Variants in CTNNA3 observed in about 807,000 individuals in gnomAD.
The protein encoded by CTNNA3 is catenin alpha 3, also known as catenin alpha-3.
Under a neutral mutation model 95.7 loss-of-function variants are expected in CTNNA3, and 76 were observed. The ratio of observed to expected loss-of-function variants is 0.79; its 90% CI spans 0.66 to 0.96. The LOEUF (loss-of-function observed/expected upper bound fraction) is 0.96. Among genes scored for constraint, CTNNA3 ranks in the 40% least tolerant of loss-of-function variants. CTNNA3 has a pLI of 0.00. For synonymous variants in CTNNA3, 431 were observed against 374.4 expected, an observed-to-expected ratio of 1.15 and a Z score of -1.74; for missense variants, 1,191 against 1,089.8, an observed-to-expected ratio of 1.09 and a Z score of -1.31.
chr10:67,514,756 A>C (rs1446090251), intron 5 of CTNNA3, among the ~76,000 whole-genome samples: 4 of 147,526 alleles, frequency 2.7e-5, no homozygotes, highest in Non-Finnish European at 5.9e-5. Flanking sequence ...AATTCCTATC[A>C]GCATTGTAAA....
intron 13 of CTNNA3, among the ~76,000 whole-genome samples, chr10:66,197,944 T>G (rs768475539): frequency 6.6e-6 from 1 of 152,058 alleles, no homozygotes; most frequent in Non-Finnish European, 1.5e-5. Context: ...GGAAAATAAC[T>G]CTAAGGAGGC....
rs998285702 is a variant in CTNNA3, at chr10:66,668,684, C to T, written c.1282-46900G>A. On this transcript the variant is annotated intron_variant, in intron 9 of 17. Transcript: ENST00000433211. ...AAAATTAACCGGGTGTGGTGGTGCA[C>T]GTCTGTAATCCCAGCTATTTGGGAG... 7.2e-5 allele frequency among the ~76,000 whole-genome samples: 11 copies of T among 151,812 alleles called. No homozygotes were observed. In the East Asian group the frequency reaches 7.7e-4, roughly 11 times the overall value.
intron 5 of CTNNA3, among the ~76,000 whole-genome samples, chr10:67,429,282 T>C (rs1846028508): frequency 6.6e-6 from 1 of 152,090 alleles, no homozygotes; most frequent in African/African-American, 2.4e-5. Context: ...AATGATTTAG[T>C]TTGCATCCAT....
intron 7 of CTNNA3, among the ~76,000 whole-genome samples, chr10:66,776,272 T>C (rs1212118651): frequency 1.3e-5 from 2 of 152,276 alleles, no homozygotes; most frequent in Admixed American, 6.5e-5. Flanking sequence ...ATAAAAGAGA[T>C]TGGAAAAATC....
At chr10:67,533,741 T>C (rs1369276121) in intron 4 of CTNNA3, among the ~76,000 whole-genome samples, 1 of 152,164 alleles carries the variant, frequency 6.6e-6, no homozygotes, top group Non-Finnish European at 1.5e-5. Context: ...TCCTTGTAAA[T>C]GTTCTATTGT....
chr10:67,190,445 T>C (rs913940479), intron 6 of CTNNA3, among the ~76,000 whole-genome samples: 1 of 151,930 alleles, frequency 6.6e-6, no homozygotes, highest in Non-Finnish European at 1.5e-5. Context: ...GGGGGGAGGA[T>C]GAGACAAGAA....
chr10:66,093,398 A>G (rs540886013), intron 14 of CTNNA3, among the ~76,000 whole-genome samples: 1 of 152,198 alleles, frequency 6.6e-6, no homozygotes, highest in African/African-American at 2.4e-5. Context: ...GTTTTATTAA[A>G]TCAATAGGGG....
intron 9 of CTNNA3, among the ~76,000 whole-genome samples, chr10:66,740,183 T>C (rs888945194): frequency 6.6e-6 from 1 of 152,214 alleles, no homozygotes; most frequent in East Asian, 1.9e-4. Context: ...ATCTTGAAAG[T>C]TGTTTCCCTA....
chr10:66,248,298 C>T (rs2132060831), intron 13 of CTNNA3, among the ~76,000 whole-genome samples: 1 of 149,988 alleles, frequency 6.7e-6, no homozygotes, highest in East Asian at 2.0e-4. Flanking sequence ...ATGAAAATTG[C>T]CTTCACTAAA....
intron 9 of CTNNA3, among the ~76,000 whole-genome samples, chr10:66,644,256 G>C (rs1045706752): frequency 6.1e-5 from 8 of 130,284 alleles, no homozygotes; most frequent in South Asian, 2.6e-4. Context: ...AAGAGACTTG[G>C]TCTCTCTGTC....
intron 7 of CTNNA3, among the ~76,000 whole-genome samples, chr10:67,086,154 C>T (rs1442580468): frequency 1.3e-5 from 2 of 151,820 alleles, no homozygotes; most frequent in Non-Finnish European, 2.9e-5. Flanking sequence ...GTGGAAGAAA[C>T]AGTATATTTT....
intron 7 of CTNNA3, among the ~76,000 whole-genome samples, chr10:66,824,483 T>C (rs924714340): frequency 6.6e-6 from 1 of 152,136 alleles, no homozygotes; most frequent in African/African-American, 2.4e-5. Flanking sequence ...TAGGCTGAAA[T>C]GGTTAAGTAT....
intron 13 of CTNNA3, among the ~76,000 whole-genome samples, chr10:66,174,052 C>T (rs1456198473): frequency 6.6e-6 from 1 of 152,118 alleles, no homozygotes; most frequent in Non-Finnish European, 1.5e-5. Context: ...CAATACATTA[C>T]TTCATTTAGT....
At chr10:67,654,905 T>C (rs1297076178) in intron 1 of CTNNA3, among the ~76,000 whole-genome samples, 1 of 152,232 alleles carries the variant, frequency 6.6e-6, no homozygotes, top group Non-Finnish European at 1.5e-5. Context: ...AATTATTTTG[T>C]GAACATTCAA....
intron 3 of CTNNA3, among the ~76,000 whole-genome samples, chr10:67,584,220 T>C (rs533054899): frequency 1.3e-5 from 2 of 152,320 alleles, no homozygotes; most frequent in African/African-American, 4.8e-5. Flanking sequence ...TGGTCTTTGA[T>C]GATGGTGACG....
At chr10:66,379,119 A>G (rs1329114666) in intron 12 of CTNNA3, 33 bp downstream of exon 12, 2 of 1,529,256 alleles carry the variant, frequency 1.3e-6, no homozygotes, top group Non-Finnish European at 1.8e-6. Context: ...CAAATAAGAG[A>G]AATTGTGCAG....
chr10:66,456,169 G>A (rs2093493886), intron 11 of CTNNA3, among the ~76,000 whole-genome samples: 1 of 152,084 alleles, frequency 6.6e-6, no homozygotes. Flanking sequence ...GAACTTTATA[G>A]ATATAGATAA....
At chr10:67,338,340 A>G (rs968968133) in intron 5 of CTNNA3, among the ~76,000 whole-genome samples, 4 of 152,038 alleles carry the variant, frequency 2.6e-5, no homozygotes, top group African/African-American at 9.7e-5. Flanking sequence ...TCTCATATGA[A>G]CTCAAAGCAA....
chr10:65,960,096 CTTAATT>C (rs2077812394), intron 17 of CTNNA3, among the ~76,000 whole-genome samples: 1 of 152,174 alleles, frequency 6.6e-6, no homozygotes, highest in Non-Finnish European at 1.5e-5. Context: ...GTGCTCATAT[CTTAATT>C]TTAACAGAAA....
Sources: allele counts gnomAD v4.1 joint callset (sites outside exome capture counted in the v4.1 genomes callset), GRCh38; gene constraint gnomAD v4.1.1; transcripts MANE v1.5; gene names NCBI Gene and HGNC (gene_info 2026-07-23, HGNC 2026-07-21).